The following CCR6 variants were observed in gnomAD, a reference collection of about 807,000 sequenced individuals.
CCR6 encodes C-C motif chemokine receptor 6.
CCR6 carries 2 observed loss-of-function variants against 3.0 expected under a neutral mutation model. That is an observed-to-expected ratio of 0.66 (90% CI 0.27 to 2.07). CCR6 has a LOEUF of 2.07. CCR6 is among the 30% of genes most tolerant of loss of function. The pLI is 0.14. For missense variants in CCR6, 322 were observed against 462.8 expected (o/e 0.70, Z 2.79); for synonymous variants, 193 against 184.3 (o/e 1.05, Z -0.38).
chr6:167,127,759 C>T (rs967705997), intron 1 of CCR6, among the ~76,000 whole-genome samples: 4 of 152,164 alleles, frequency 2.6e-5, no homozygotes, highest in Admixed American at 6.5e-5. Flanking sequence ...CCTCAGCCTC[C>T]CAAGGTTCTG....
Position 167,136,632 on chromosome 6 carries a change from G to A in CCR6, c.402G>A (p.Leu134=). Residue 134 remains leucine, a synonymous_variant, in exon 3 of 3, where the codon CTG becomes CTA. Coordinates refer to ENST00000341935, the MANE Select transcript of CCR6 (RefSeq NM_031409.4). This position sits in a 1 kb window ranked among gnomAD's most constrained non-coding sequence, Gnocchi z 4.6. ...IYAINFNCGM[L]LLTCISMDRY... ...CCATCAACTTTAACTGCGGGATGCT[G>A]CTCCTGACTTGCATTAGCATGGACC... 6.2e-7 allele frequency: 1 copy of A among 1,614,000 alleles called. No homozygotes were observed. The highest frequency in any genetic ancestry group is 8.5e-7 in the Non-Finnish European group (1 of 1,179,996).
chr6:167,112,192 A>T (rs1781425640), intron 1 of CCR6, among the ~76,000 whole-genome samples: 1 of 152,170 alleles, frequency 6.6e-6, no homozygotes, highest in Non-Finnish European at 1.5e-5. Flanking sequence ...AGAGATGCTG[A>T]CCTTTGTTGA....
chr6:167,136,047 T>C lies in CCR6; in HGVS notation c.-88T>C, dbSNP rs2114939012. ...CTTCTTTCCTTCTTAGAGTCACCTCTACTTTCCTGCTACCGCTGCCTGTGA... is the reference window on the plus strand; with the variant it reads ...CTTCTTTCCTTCTTAGAGTCACCTCCACTTTCCTGCTACCGCTGCCTGTGA... On this transcript the variant is annotated 5_prime_UTR_variant, in exon 2 of 3. Coordinates refer to ENST00000341935, the MANE Select transcript of CCR6 (RefSeq NM_031409.4). The surrounding 1 kb of genome is among the most constrained non-coding windows in gnomAD (Gnocchi z 4.6). 2.7e-6 allele frequency: 4 copies of C among 1,471,844 alleles called. No individual in the cohort carries two copies. The highest frequency in any genetic ancestry group is 3.7e-6 in the Non-Finnish European group (4 of 1,074,812). The allele number at this position is 1,471,844 out of a possible 1,614,324, so 91.2% of individuals were successfully genotyped here.
chr6:167,115,532 C>T (rs891586887), intron 1 of CCR6: 2 of 152,182 alleles, frequency 1.3e-5, no homozygotes, highest in African/African-American at 2.4e-5. Context: ...GTCTTTTCCC[C>T]ATTTTCTGTA....
In CCR6 at chr6:167,137,068, A is replaced by G; in HGVS notation, c.838A>G (p.Asn280Asp). 1.2e-6 allele frequency: 2 copies of G among 1,614,150 alleles called. No homozygotes were observed. The highest frequency in any genetic ancestry group is 1.7e-6 in the Non-Finnish European group (2 of 1,180,034). The stretch of plus-strand genomic sequence containing the variant: ...CATGGTCCTGCTTGTGACGGCTGCA[A>G]ATTTGGGTAAAATGAACCGATCCTG... ...HNMVLLVTAA[N>D]LGKMNRSCQS... Residue 280 changes from asparagine (N) to aspartate (D), a missense_variant, in exon 3 of 3, where the codon AAT becomes GAT. Coordinates refer to ENST00000341935, the MANE Select transcript of CCR6 (RefSeq NM_031409.4). The surrounding 1 kb of genome is among the most constrained non-coding windows in gnomAD (Gnocchi z 4.6).
chr6:167,124,889 T>C (rs1286250751), intron 1 of CCR6, among the ~76,000 whole-genome samples: 1 of 151,838 alleles, frequency 6.6e-6, no homozygotes, highest in Non-Finnish European at 1.5e-5. Context: ...TGCACACACA[T>C]GCATGCATAC....
At chr6:167,126,908 T>A (rs1363313727) in intron 1 of CCR6, among the ~76,000 whole-genome samples, 1 of 152,162 alleles carries the variant, frequency 6.6e-6, no homozygotes, top group Non-Finnish European at 1.5e-5. Context: ...GAAGGATGTG[T>A]TTGCTTCCCC....
intron 1 of CCR6, chr6:167,129,686 C>G (rs1217925085): frequency 6.6e-6 from 1 of 151,626 alleles, no homozygotes; most frequent in Non-Finnish European, 1.5e-5. Context: ...TGATAAAGCT[C>G]AGTCAATGAG....
At chr6:167,127,106 A>G (rs969515503) in intron 1 of CCR6, 1 of 152,248 alleles carries the variant, frequency 6.6e-6, no homozygotes, top group Non-Finnish European at 1.5e-5. Flanking sequence ...TATAGATTAT[A>G]TAGTCAGATT....
rs372714474 is a variant in CCR6 at position 167,136,353 on chromosome 6, C to T, written c.123C>T (p.Val41=). The T allele has an allele frequency of 1.8e-5, 29 of 1,614,080 alleles. No homozygotes were observed. Among genetic ancestry groups the T allele is most frequent in the Non-Finnish European group, 2.5e-5 (29 of 1,180,028 alleles). Residue 41 remains valine, a synonymous_variant, in exon 3 of 3, where the codon GTC becomes GTT. Transcript: ENST00000341935. This position sits in a 1 kb window ranked among gnomAD's most constrained non-coding sequence, Gnocchi z 4.6. ...TGTTACTGTGCTCCTTGCAGGAGGT[C>T]AGGCAGTTCTCCAGGCTATTTGTAC... The part of the protein sequence containing the change: ...SEMLLCSLQE[V]RQFSRLFVPI...
chr6:167,130,975 C>CCCCCCCCTCCGGG (rs1491335734), intron 1 of CCR6, among the ~76,000 whole-genome samples: 1 of 131,192 alleles, frequency 7.6e-6, no homozygotes, highest in African/African-American at 3.1e-5. Context: ...CCTCTGGGAC[C>CCCCCCCCTCCGGG]ACCCTCCCTC....
intron 1 of CCR6, among the ~76,000 whole-genome samples, chr6:167,133,248 C>T (rs1446650634): frequency 6.6e-6 from 1 of 152,206 alleles, no homozygotes; most frequent in Non-Finnish European, 1.5e-5. Flanking sequence ...TATGCTTTAG[C>T]TCTCACATTT....
intron 1 of CCR6, among the ~76,000 whole-genome samples, chr6:167,125,930 C>T (rs1562558009): frequency 1.3e-5 from 2 of 152,146 alleles, no homozygotes; most frequent in East Asian, 1.9e-4. Context: ...CAGTTTTAAA[C>T]ATGTGTGATA....
chr6:167,114,732 G>A (rs765026348), intron 1 of CCR6, among the ~76,000 whole-genome samples: 3 of 152,230 alleles, frequency 2.0e-5, no homozygotes, highest in Non-Finnish European at 4.4e-5. Flanking sequence ...AAGTCAGTGA[G>A]GCTGTTCCCG....
chr6:167,112,488 C>G (rs866299095), intron 1 of CCR6, among the ~76,000 whole-genome samples: 1 of 152,158 alleles, frequency 6.6e-6, no homozygotes, highest in African/African-American at 2.4e-5. Context: ...ACCACAACCA[C>G]CTTTGAAAGA....
chr6:167,136,755 A>G lies in CCR6; in HGVS notation c.525A>G (p.Ser175=). The change falls in exon 3 of 3, where the codon TCA becomes TCG. Residue 175 remains serine, a synonymous_variant. Transcript: ENST00000341935. The surrounding 1 kb of genome is among the most constrained non-coding windows in gnomAD (Gnocchi z 4.6). ...TCTGCCTTGTTGTGTGGGGGCTGTCAGTCATCATCTCCAGCTCAACTTTTG... is the reference window on the plus strand; with the variant it reads ...TCTGCCTTGTTGTGTGGGGGCTGTCGGTCATCATCTCCAGCTCAACTTTTG... ...KIICLVVWGL[S]VIISSSTFVF... 6.2e-7 allele frequency: 1 copy of G among 1,613,986 alleles called. No individual in the cohort carries two copies.
At chr6:167,135,247 C>T (rs1393267625) in intron 1 of CCR6, among the ~76,000 whole-genome samples, 1 of 152,258 alleles carries the variant, frequency 6.6e-6, no homozygotes, top group Non-Finnish European at 1.5e-5. Context: ...TCTCCAAGAA[C>T]CCTGATCAGA....
chr6:167,121,844 G>A (rs528856335), upstream of CCR6, among the ~76,000 whole-genome samples: 34 of 152,306 alleles, frequency 2.2e-4, no homozygotes, highest in South Asian at 5.4e-3. Context: ...AGAGGACCCC[G>A]TGACCATAGG....
At chr6:167,130,975 C>CCCCCCCCCCCGGG (rs1491335734) in intron 1 of CCR6, among the ~76,000 whole-genome samples, 1 of 131,190 alleles carries the variant, frequency 7.6e-6, no homozygotes, top group African/African-American at 3.1e-5. Flanking sequence ...CCTCTGGGAC[C>CCCCCCCCCCCGGG]ACCCTCCCTC....
Sources: allele counts gnomAD v4.1 joint callset (sites outside exome capture counted in the v4.1 genomes callset), GRCh38; gene constraint gnomAD v4.1.1; non-coding constraint Gnocchi (gnomAD v3.1); transcripts MANE v1.5; gene names NCBI Gene and HGNC (gene_info 2026-07-23, HGNC 2026-07-21).